Variants in RGS6 observed in about 807,000 individuals in gnomAD.
RGS6 encodes the protein regulator of G protein signaling 6, also known as regulator of G-protein signaling 6.
In RGS6, 30 loss-of-function variants were observed where a neutral mutation model predicts 78.5. The observed-to-expected ratio is 0.38, with a 90% CI of 0.29 to 0.52. The LOEUF is 0.52. RGS6 is among the 20% of genes least tolerant of loss of function. The pLI is 0.85. For missense variants in RGS6, 495 were observed against 609.7 expected, an observed-to-expected ratio of 0.81 and a Z score of 1.98; for synonymous variants, 206 against 206.0, an observed-to-expected ratio of 1.00 and a Z score of 0.00.
At chr14:72,545,363 G>A (rs1014948892) in intron 17 of RGS6, among the ~76,000 whole-genome samples, 2 of 152,230 alleles carry the variant, frequency 1.3e-5, no homozygotes, top group African/African-American at 4.8e-5. Flanking sequence ...TGCATGTCCT[G>A]GGACTCTGAG....
At chr14:71,979,396 C>T (rs2094328192) in intron 2 of RGS6, among the ~76,000 whole-genome samples, 3 of 149,308 alleles carry the variant, frequency 2.0e-5, no homozygotes, top group Non-Finnish European at 3.0e-5. Context: ...CTCTTGTGGG[C>T]ATTTAGTGCT....
Position 72,536,263 on chromosome 14 carries a change from G to A in RGS6, c.1356G>A (p.Leu452=), listed in dbSNP as rs2097250031. 1.2e-6 allele frequency: 2 copies of A among 1,613,654 alleles called. No homozygotes were observed. The highest frequency in any genetic ancestry group is 2.2e-5 in the South Asian group (2 of 91,074). Residue 452 remains leucine, a synonymous_variant, in exon 16 of 18, where the codon CTG becomes CTA. Coordinates refer to ENST00000553525, the MANE Select transcript of RGS6 (RefSeq NM_001204424.2). The stretch of plus-strand genomic sequence containing the variant: ...CAAATGCTTACCAGGATTTGCTGCT[G>A]GCCAAGAAGAAGGTATCTTTGGGAA... ...LRSNAYQDLL[L]AKKKPESEQG...
chr14:72,260,460 G>A (rs1431563622), intron 2 of RGS6, among the ~76,000 whole-genome samples: 1 of 152,300 alleles, frequency 6.6e-6, no homozygotes, highest in East Asian at 1.9e-4. Context: ...TTGTGTTGTG[G>A]CCACCAGCCA....
At chr14:71,988,802 G>T (rs1303504334) in intron 2 of RGS6, among the ~76,000 whole-genome samples, 1 of 152,086 alleles carries the variant, frequency 6.6e-6, no homozygotes, top group African/African-American at 2.4e-5. Context: ...CCCATGGAGG[G>T]TCTAACTGGG....
intron 15 of RGS6, among the ~76,000 whole-genome samples, chr14:72,526,694 C>T (rs931566645): frequency 6.8e-6 from 1 of 146,470 alleles, no homozygotes. Context: ...GGGCACTTCC[C>T]ATTTTAGATC....
At chr14:71,993,651 G>A (rs573117223) in intron 2 of RGS6, among the ~76,000 whole-genome samples, 45 of 152,168 alleles carry the variant, frequency 3.0e-4, no homozygotes, top group African/African-American at 1.0e-3. Context: ...TTTCTACTGC[G>A]TGAGTCTTAC....
chr14:72,120,462 C>T (rs981597259), intron 2 of RGS6, among the ~76,000 whole-genome samples: 11 of 152,120 alleles, frequency 7.2e-5, no homozygotes, highest in Admixed American at 6.6e-4. Context: ...AACAACCTGC[C>T]GTTTTAAAGA....
the RGS6 span, among the ~76,000 whole-genome samples, chr14:71,871,562 T>C: frequency 6.6e-6 from 1 of 152,140 alleles, no homozygotes; most frequent in East Asian, 1.9e-4. Context: ...TATTACCTTG[T>C]GGATTCCCCT....
At chr14:71,934,789 T>A (rs142453997) in intron 1 of RGS6, among the ~76,000 whole-genome samples, 15 of 152,320 alleles carry the variant, frequency 9.8e-5, no homozygotes, top group African/African-American at 3.4e-4. Context: ...GAAAGTAGAA[T>A]CATTCCATTT....
chr14:72,551,374 A>G (rs962140640), intron 17 of RGS6, among the ~76,000 whole-genome samples: 18 of 152,174 alleles, frequency 1.2e-4, no homozygotes, highest in African/African-American at 4.3e-4. Context: ...TGACCGTCCC[A>G]TACCAACCAG....
the RGS6 span, among the ~76,000 whole-genome samples, chr14:72,592,807 T>G: frequency 2.6e-5 from 4 of 152,148 alleles, no homozygotes; most frequent in African/African-American, 7.2e-5. Flanking sequence ...CAGGGAGAGA[T>G]AAGTTGCCTG....
intron 6 of RGS6, among the ~76,000 whole-genome samples, chr14:72,464,416 C>T (rs553358518): frequency 1.6e-4 from 24 of 152,260 alleles, no homozygotes; most frequent in African/African-American, 3.4e-4. Flanking sequence ...CACAATTCGC[C>T]GGGTGGAAGC....
At chr14:72,452,986 C>A (rs566713338) in intron 3 of RGS6, among the ~76,000 whole-genome samples, 9 of 152,324 alleles carry the variant, frequency 5.9e-5, no homozygotes, top group Non-Finnish European at 1.3e-4. Flanking sequence ...TGCAAGGAAG[C>A]AGCTGAGGGA....
chr14:72,403,351 G>C (rs2092641550), intron 3 of RGS6, among the ~76,000 whole-genome samples: 1 of 152,194 alleles, frequency 6.6e-6, no homozygotes, highest in African/African-American at 2.4e-5. Flanking sequence ...CCCAGGCACA[G>C]AAAGACAAAT....
At chr14:72,265,882 C>T (rs931348832) in intron 2 of RGS6, among the ~76,000 whole-genome samples, 2 of 144,916 alleles carry the variant, frequency 1.4e-5, no homozygotes, top group African/African-American at 2.5e-5. Context: ...CTTTCCCCAA[C>T]AATTTCAGCC....
At chr14:72,297,297 G>A (rs544826293) in intron 2 of RGS6, among the ~76,000 whole-genome samples, 3 of 151,894 alleles carry the variant, frequency 2.0e-5, no homozygotes, top group African/African-American at 4.8e-5. Context: ...TCAGCTTATC[G>A]ATTTCTACAA....
intron 2 of RGS6, among the ~76,000 whole-genome samples, chr14:72,195,035 C>T (rs1438696421): frequency 6.6e-6 from 1 of 152,068 alleles, no homozygotes; most frequent in Non-Finnish European, 1.5e-5. Flanking sequence ...TAGCGAAACC[C>T]CGTGTCTGCT....
chr14:72,300,412 C>A (rs1162073452), intron 2 of RGS6, among the ~76,000 whole-genome samples: 1 of 152,116 alleles, frequency 6.6e-6, no homozygotes, highest in Non-Finnish European at 1.5e-5. Flanking sequence ...GACAGGAAAC[C>A]AGTGGGAAGG....
At position 72,013,765 on chromosome 14, in the gene RGS6, C is replaced by T. The variant is rs144332236; in HGVS notation, c.84+48890C>T. On this transcript the variant is annotated intron_variant, in intron 2 of 17. Transcript: ENST00000553525. ...ATAATGAAGGCTTTGTGTGATGAAC[C>T]GACAATTGACAATGAAATTATTGTC... 2.0e-3 allele frequency among the ~76,000 whole-genome samples: 307 copies of T among 151,500 alleles called. 2 individuals are homozygous for T. Among genetic ancestry groups the T allele is most frequent in the African/African-American group, 7.1e-3 (291 of 41,214 alleles).
Sources: gnomAD v4.1 joint callset for allele counts (sites outside exome capture counted in the v4.1 genomes callset) on GRCh38, gnomAD v4.1.1 for gene constraint, MANE v1.5 for transcripts, NCBI Gene and HGNC (gene_info 2026-07-23, HGNC 2026-07-21) for gene names.